The following DLG2 variants were observed in gnomAD, a reference collection of about 807,000 sequenced individuals.
The protein encoded by DLG2 is discs large MAGUK scaffold protein 2, also known as disks large homolog 2.
Under a neutral mutation model 132.5 loss-of-function variants are expected in DLG2, and 45 were observed. The ratio of observed to expected loss-of-function variants is 0.34; its 90% CI spans 0.27 to 0.44. The LOEUF (loss-of-function observed/expected upper bound fraction) is 0.44, where lower values mean the gene tolerates loss of function less well. Among genes scored for constraint, DLG2 ranks in the 20% least tolerant of loss-of-function variants. DLG2 has a pLI of 1.00. For synonymous variants in DLG2, 424 were observed against 419.6 expected (o/e 1.01, Z -0.13); for missense variants, 1,045 against 1,196.9 (o/e 0.87, Z 1.87).
At chr11:84,641,984 T>C (rs2099667143) in intron 6 of DLG2, among the ~76,000 whole-genome samples, 2 of 142,332 alleles carry the variant, frequency 1.4e-5, no homozygotes, top group African/African-American at 5.4e-5. Context: ...TATGCATGTG[T>C]GTATGTGTGT....
chr11:84,489,439 G>C (rs2099158985), intron 7 of DLG2, among the ~76,000 whole-genome samples: 1 of 151,938 alleles, frequency 6.6e-6, no homozygotes, highest in Non-Finnish European at 1.5e-5. Flanking sequence ...TCCATTCCCT[G>C]CTTCCAGTGA....
chr11:85,490,106 T>C (rs946953190), intron 3 of DLG2, among the ~76,000 whole-genome samples: 1 of 152,046 alleles, frequency 6.6e-6, no homozygotes, highest in Non-Finnish European at 1.5e-5. Flanking sequence ...GAGGATCAAT[T>C]AAGCCCAAGA....
intron 11 of DLG2, among the ~76,000 whole-genome samples, chr11:84,042,754 C>A (rs2096125352): frequency 6.6e-6 from 1 of 151,700 alleles, no homozygotes; most frequent in Non-Finnish European, 1.5e-5. Context: ...GGAATTGGAG[C>A]CATTATCCTC....
chr11:85,296,643 A>C (rs1411098037), intron 3 of DLG2, among the ~76,000 whole-genome samples: 2 of 151,078 alleles, frequency 1.3e-5, no homozygotes, highest in Non-Finnish European at 3.0e-5. Flanking sequence ...TCTAATATCA[A>C]CTATCACTTG....
In DLG2 at chr11:85,381,757, A is replaced by AT. The variant is rs200704015; in HGVS notation, c.41-96393dup. ...ATTTAGAAGACAATTCCATTTGTAA[A>AT]TTTTTTTTTAAATTATTAATAAGTT... On this transcript the variant is annotated intron_variant, in intron 3 of 27. Transcript: ENST00000376104. Among the ~76,000 whole-genome samples, 447 of 152,004 alleles carry AT rather than the reference A, an allele frequency of 2.9e-3. 1 individual carries two copies. Among genetic ancestry groups the AT allele is most frequent in the African/African-American group, 0.01 (427 of 41,484 alleles).
intron 6 of DLG2, among the ~76,000 whole-genome samples, chr11:84,740,015 T>A (rs2064386865): frequency 6.6e-6 from 1 of 152,002 alleles, no homozygotes; most frequent in African/African-American, 2.4e-5. Context: ...TCACAATGAC[T>A]GTGTCTACTC....
At chr11:85,458,424 C>A (rs886665402) in intron 3 of DLG2, among the ~76,000 whole-genome samples, 1 of 152,062 alleles carries the variant, frequency 6.6e-6, no homozygotes, top group Non-Finnish European at 1.5e-5. Flanking sequence ...ATTCTGAATT[C>A]TATTTCTGTC....
intron 4 of DLG2, among the ~76,000 whole-genome samples, chr11:85,210,560 G>A (rs556326146): frequency 9.9e-5 from 15 of 151,272 alleles, no homozygotes; most frequent in Admixed American, 3.3e-4. Flanking sequence ...CTTTATAACC[G>A]TGGCAGTGGT....
At chr11:85,309,921 AT>A (rs778401816) in intron 3 of DLG2, among the ~76,000 whole-genome samples, 13 of 152,042 alleles carry the variant, frequency 8.6e-5, no homozygotes, top group Non-Finnish European at 1.5e-4. Context: ...GAGGGTCAGG[AT>A]TTTGCTTTCT....
At chr11:85,234,411 G>A (rs1425695437) in intron 4 of DLG2, among the ~76,000 whole-genome samples, 2 of 151,918 alleles carry the variant, frequency 1.3e-5, no homozygotes, top group Non-Finnish European at 2.9e-5. Flanking sequence ...TTATCTCTAG[G>A]TGTAGGCTGA....
At chr11:84,992,112 C>A (rs927079175) in intron 6 of DLG2, among the ~76,000 whole-genome samples, 2 of 152,150 alleles carry the variant, frequency 1.3e-5, no homozygotes, top group Non-Finnish European at 2.9e-5. Flanking sequence ...TCCCTCCTAA[C>A]CATCACTTCA....
chr11:84,067,013 C>T (rs2154139535), intron 10 of DLG2, among the ~76,000 whole-genome samples: 1 of 152,204 alleles, frequency 6.6e-6, no homozygotes, highest in South Asian at 2.1e-4. Context: ...AAACCACTAG[C>T]TAAGGAATTA....
intron 3 of DLG2, among the ~76,000 whole-genome samples, chr11:85,566,491 A>G (rs1355722083): frequency 6.6e-6 from 1 of 152,114 alleles, no homozygotes; most frequent in Non-Finnish European, 1.5e-5. Flanking sequence ...TTTATTTCTC[A>G]AAGTTCTAGA....
At chr11:83,804,836 T>A (rs1468342554) in intron 17 of DLG2, among the ~76,000 whole-genome samples, 1 of 152,180 alleles carries the variant, frequency 6.6e-6, no homozygotes, top group Non-Finnish European at 1.5e-5. Context: ...CAGATTTTTT[T>A]CTTAAATCCA....
At chr11:84,362,751 T>A (rs976919912) in intron 7 of DLG2, among the ~76,000 whole-genome samples, 3 of 151,988 alleles carry the variant, frequency 2.0e-5, no homozygotes, top group African/African-American at 7.2e-5. Context: ...TGAGTGAGAA[T>A]GTGCGGTGTT....
chr11:84,393,777 T>C (rs1278807287), intron 7 of DLG2, among the ~76,000 whole-genome samples: 1 of 152,244 alleles, frequency 6.6e-6, no homozygotes, highest in African/African-American at 2.4e-5. Flanking sequence ...CTTGAAATTA[T>C]AACGTTTACT....
chr11:85,384,360 A>G (rs2086147522), intron 3 of DLG2, among the ~76,000 whole-genome samples: 1 of 152,182 alleles, frequency 6.6e-6, no homozygotes, highest in African/African-American at 2.4e-5. Context: ...TAAAATTCAT[A>G]TAGAAATGCA....
At chr11:84,126,835 G>C (rs1189605973) in intron 9 of DLG2, among the ~76,000 whole-genome samples, 2 of 152,038 alleles carry the variant, frequency 1.3e-5, no homozygotes, top group Admixed American at 6.6e-5. Context: ...ACATTTTTGG[G>C]GTAATAGAAT....
chr11:84,189,200 T>G (rs1204469149), intron 8 of DLG2, among the ~76,000 whole-genome samples: 2 of 152,148 alleles, frequency 1.3e-5, no homozygotes, highest in African/African-American at 4.8e-5. Flanking sequence ...AAGACATACA[T>G]GCAGCCAACA....
Sources: allele counts gnomAD v4.1 joint callset (sites outside exome capture counted in the v4.1 genomes callset), GRCh38; gene constraint gnomAD v4.1.1; transcripts MANE v1.5; gene names NCBI Gene and HGNC (gene_info 2026-07-23, HGNC 2026-07-21).